FER1L6: variants seen among roughly 807,000 people sequenced by gnomAD.
FER1L6 encodes fer-1-like protein 6.
Under a neutral mutation model 219.2 loss-of-function variants are expected in FER1L6, and 177 were observed. That is an observed-to-expected ratio of 0.81 (90% CI 0.71 to 0.91). The LOEUF is 0.91. Ranked by LOEUF, FER1L6 falls within the 40% of genes least tolerant of loss-of-function variation. The pLI is 0.00. For synonymous variants in FER1L6, 768 were observed against 824.3 expected (o/e 0.93, Z 1.17); for missense variants, 2,153 against 2,259.9 (o/e 0.95, Z 0.96).
At chr8:123,967,477 C>T (rs970096488) in intron 5 of FER1L6, among the ~76,000 whole-genome samples, 62 of 152,104 alleles carry the variant, frequency 4.1e-4, no homozygotes, top group African/African-American at 1.4e-3. Flanking sequence ...ATGCTTTTAA[C>T]CTTTTGCTAC....
chr8:123,974,385 T>TGGCAC (rs1488716842), intron 7 of FER1L6, among the ~76,000 whole-genome samples: 4 of 151,940 alleles, frequency 2.6e-5, no homozygotes, highest in Non-Finnish European at 5.9e-5. Flanking sequence ...CCTGTAATCC[T>TGGCAC]GGCACTTTGA....
intron 32 of FER1L6, among the ~76,000 whole-genome samples, chr8:124,078,143 GGCACAGA>G (rs1821372668): frequency 6.6e-6 from 1 of 152,194 alleles, no homozygotes; most frequent in Non-Finnish European, 1.5e-5. Flanking sequence ...GACAGGGCCT[GGCACAGA>G]GCAGGTGCTC....
rs539648875 is a variant in FER1L6, at chr8:123,977,846, T to C, written c.1063+237T>C. ...AGGAGCATGCAACCTAGGTCCTTCA[T>C]ATGTGCAGTTCATAGTATGGTTTGT... On this transcript the variant is annotated intron_variant, in intron 10 of 40. Transcript: ENST00000522917. 1.3e-4 allele frequency among the ~76,000 whole-genome samples: 20 copies of C among 152,296 alleles called. No individual in the cohort carries two copies. The East Asian group carries it at 3.9e-3, about 29-fold the overall frequency.
At position 123,938,637 on chromosome 8, in the gene FER1L6, C is replaced by T. The variant is rs1814100058; in HGVS notation, c.-7-17355C>T. 2.0e-5 allele frequency among the ~76,000 whole-genome samples: 3 copies of T among 151,518 alleles called. No individual in the cohort carries two copies. In the South Asian group the frequency reaches 6.3e-4, roughly 32 times the overall value. On this transcript the variant is annotated intron_variant, in intron 1 of 40. Transcript: ENST00000522917. ...TCTTGGCTCACTGCAACCTCCACCT[C>T]CCGGGTTTATGCAATTCTTGTGCCT...
At chr8:124,090,557 A>G (rs1207408816) in intron 33 of FER1L6, among the ~76,000 whole-genome samples, 1 of 152,218 alleles carries the variant, frequency 6.6e-6, no homozygotes, top group African/African-American at 2.4e-5. Context: ...TGACCTTTTC[A>G]GGATTCTTTG....
intron 15 of FER1L6, among the ~76,000 whole-genome samples, chr8:124,015,571 C>CTATATATATACATATATA (rs1818150579): frequency 2.3e-5 from 1 of 43,222 alleles, no homozygotes; most frequent in Non-Finnish European, 5.7e-5. Flanking sequence ...ATTATAAAAG[C>CTATATATATACATATATA]TATATATATA....
intron 31 of FER1L6, among the ~76,000 whole-genome samples, chr8:124,073,083 A>AG (rs1386845716): frequency 6.6e-6 from 1 of 152,146 alleles, no homozygotes; most frequent in Non-Finnish European, 1.5e-5. Context: ...AAAATCTTAC[A>AG]GAGCTATAGT....
At chr8:124,010,123 G>C (rs1817852272) in intron 13 of FER1L6, among the ~76,000 whole-genome samples, 1 of 151,700 alleles carries the variant, frequency 6.6e-6, no homozygotes, top group Non-Finnish European at 1.5e-5. Flanking sequence ...TCTTGTTCTG[G>C]TTTTAGGGTC....
At chr8:123,935,977 G>A (rs1262875171) in intron 1 of FER1L6, among the ~76,000 whole-genome samples, 1 of 151,252 alleles carries the variant, frequency 6.6e-6, no homozygotes, top group Non-Finnish European at 1.5e-5. Flanking sequence ...ATCTGAAAAT[G>A]TTTTTCCAAA....
chr8:123,974,871 C>T (rs1815993291), intron 7 of FER1L6, among the ~76,000 whole-genome samples: 1 of 151,924 alleles, frequency 6.6e-6, no homozygotes, highest in Admixed American at 6.6e-5. Flanking sequence ...CCCCCTATTC[C>T]ATCAAAGATG....
intron 1 of FER1L6, among the ~76,000 whole-genome samples, chr8:123,910,093 G>A (rs1318501702): frequency 2.0e-5 from 3 of 152,284 alleles, no homozygotes; most frequent in East Asian, 3.9e-4. Flanking sequence ...AGTAAAGTGG[G>A]CCCATCCACT....
chr8:123,923,479 G>A (rs923627577), intron 1 of FER1L6, among the ~76,000 whole-genome samples: 2 of 152,092 alleles, frequency 1.3e-5, no homozygotes, highest in Non-Finnish European at 2.9e-5. Flanking sequence ...CTTCCCCAGG[G>A]CACTGCAAAA....
In FER1L6 at chr8:124,111,707, C is replaced by T. The variant is rs1284175762; in HGVS notation, c.5290-7137C>T. 3.3e-5 allele frequency among the ~76,000 whole-genome samples: 5 copies of T among 152,150 alleles called. No individual in the cohort carries two copies. The highest frequency in any genetic ancestry group is 4.1e-4 in the South Asian group (2 of 4,828). On this transcript the variant is annotated intron_variant, in intron 39 of 40. Coordinates refer to ENST00000522917, the MANE Select transcript of FER1L6 (RefSeq NM_001039112.2). The surrounding 1 kb of genome is among the most constrained non-coding windows in gnomAD (Gnocchi z 5.0). ...GGCATTTGTAAACTATCATGGCACTCGCCGGTGGGAGTGTAGCAGTGAGGA... is the reference window on the plus strand; with the variant it reads ...GGCATTTGTAAACTATCATGGCACTTGCCGGTGGGAGTGTAGCAGTGAGGA...
intron 18 of FER1L6, among the ~76,000 whole-genome samples, chr8:124,029,374 G>T (rs919020050): frequency 1.1e-4 from 16 of 152,178 alleles, no homozygotes; most frequent in Non-Finnish European, 2.1e-4. Context: ...CACAGTGGTT[G>T]AACTAATTTA....
Position 124,060,656 on chromosome 8 carries a change from C to T in FER1L6, c.3094C>T (p.Gln1032Ter), listed in dbSNP as rs779072312. 5.0e-6 allele frequency: 8 copies of T among 1,614,082 alleles called. No homozygotes were observed. Among genetic ancestry groups the T allele is most frequent in the Non-Finnish European group, 5.9e-6 (7 of 1,179,986 alleles). ...GGQGVKSCVI[Q>*]SYKNNPNFSI... ...ACAAGGTGTGAAGTCCTGCGTGATC[C>T]AGAGCTACAAGAACAACCCGAACTT... The change falls in exon 24 of 41, where the codon CAG becomes TAG. Residue 1032 changes from glutamine to a stop codon, truncating the protein, a stop_gained. Coordinates refer to ENST00000522917, the MANE Select transcript of FER1L6 (RefSeq NM_001039112.2). LOFTEE classifies it high-confidence loss of function.
chr8:123,880,355 G>A (rs1220489677), intron 1 of FER1L6, among the ~76,000 whole-genome samples: 1 of 152,134 alleles, frequency 6.6e-6, no homozygotes, highest in African/African-American at 2.4e-5. Context: ...CTTTATCGCA[G>A]CGCCTTGTTT....
At chr8:123,856,312 A>ATGTGTG (rs1266081655) in intron 1 of FER1L6, among the ~76,000 whole-genome samples, 1 of 52,788 alleles carries the variant, frequency 1.9e-5, no homozygotes, top group Non-Finnish European at 3.9e-5. Context: ...ATATATATGT[A>ATGTGTG]TGTGTATATA....
chr8:123,889,607 C>T lies in FER1L6; in HGVS notation c.-8+37422C>T, dbSNP rs1052622324. Among the ~76,000 whole-genome samples the T allele has an allele frequency of 2.6e-5, 4 of 151,932 alleles. 1 individual carries two copies. Among genetic ancestry groups the T allele is most frequent in the Admixed American group, 2.6e-4 (4 of 15,256 alleles). On this transcript the variant is annotated intron_variant, in intron 1 of 40. Coordinates refer to ENST00000522917, the MANE Select transcript of FER1L6 (RefSeq NM_001039112.2). ...AATAGAAATAAGTATTAGATACATA[C>T]ACCAAAAAATTATAGTTAATACTTA...
At chr8:124,031,863 C>CGATATTGTG (rs1818980986) in intron 18 of FER1L6, among the ~76,000 whole-genome samples, 1 of 152,134 alleles carries the variant, frequency 6.6e-6, no homozygotes, top group Admixed American at 6.5e-5. Flanking sequence ...CCTGAAAGCA[C>CGATATTGTG]CTAGGAAGGT....
Sources: allele counts gnomAD v4.1 joint callset (sites outside exome capture counted in the v4.1 genomes callset), GRCh38; gene constraint gnomAD v4.1.1; non-coding constraint Gnocchi (gnomAD v3.1); transcripts MANE v1.5; gene names NCBI Gene and HGNC (gene_info 2026-07-23, HGNC 2026-07-21).